Variants in FHIT observed in about 807,000 individuals in gnomAD.
FHIT encodes bis(5'-adenosyl)-triphosphatase.
A neutral mutation model predicts 17.9 loss-of-function variants in FHIT; 19 were observed. The observed-to-expected ratio is 1.06, with a 90% CI of 0.74 to 1.56. FHIT has a LOEUF of 1.56. Ranked by LOEUF, FHIT falls within the 40% of genes most tolerant of loss-of-function variation. The pLI, the probability that FHIT is intolerant of heterozygous loss-of-function variation, is 0.00. For synonymous variants in FHIT, 81 were observed against 69.7 expected, an observed-to-expected ratio of 1.16 and a Z score of -0.81; for missense variants, 248 against 189.2, an observed-to-expected ratio of 1.31 and a Z score of -1.82.
chr3:61,184,204 G>A (rs1268610553), intron 2 of FHIT, among the ~76,000 whole-genome samples: 6 of 151,928 alleles, frequency 3.9e-5, no homozygotes, highest in South Asian at 2.1e-4. Context: ...CACACCTCTC[G>A]GCTAACATCC....
chr3:61,151,106 T>C (rs1183058730), intron 2 of FHIT, among the ~76,000 whole-genome samples: 1 of 152,252 alleles, frequency 6.6e-6, no homozygotes, highest in Non-Finnish European at 1.5e-5. Flanking sequence ...AAACTGTCCC[T>C]AGAGGTCTCC....
At chr3:61,099,549 T>G (rs76228638) in intron 2 of FHIT, among the ~76,000 whole-genome samples, 6 of 152,104 alleles carry the variant, frequency 3.9e-5, no homozygotes, top group Non-Finnish European at 7.4e-5. Context: ...GGTCCTGGGC[T>G]TTTTTTGGTT....
chr3:60,405,896 C>A (rs979739404), intron 5 of FHIT, among the ~76,000 whole-genome samples: 1 of 152,194 alleles, frequency 6.6e-6, no homozygotes, highest in Non-Finnish European at 1.5e-5. Context: ...GACCAATCTC[C>A]TTTCTAAGCT....
intron 4 of FHIT, among the ~76,000 whole-genome samples, chr3:60,585,044 A>G (rs2037862943): frequency 6.6e-6 from 1 of 151,974 alleles, no homozygotes; most frequent in African/African-American, 2.4e-5. Flanking sequence ...TTTTAATACA[A>G]TCCTTTCCCT....
intron 4 of FHIT, among the ~76,000 whole-genome samples, chr3:60,611,759 A>G (rs1404459002): frequency 1.3e-5 from 2 of 152,182 alleles, no homozygotes; most frequent in South Asian, 2.1e-4. Flanking sequence ...ATGGCTAACA[A>G]AAGATGCCCT....
intron 5 of FHIT, among the ~76,000 whole-genome samples, chr3:60,338,079 C>T (rs1191966463): frequency 6.6e-6 from 1 of 152,056 alleles, no homozygotes; most frequent in Non-Finnish European, 1.5e-5. Flanking sequence ...AAGTGTCATA[C>T]CTGAGATGCA....
chr3:60,477,839 C>T (rs2107465848), intron 5 of FHIT, among the ~76,000 whole-genome samples: 1 of 152,198 alleles, frequency 6.6e-6, no homozygotes, highest in Admixed American at 6.5e-5. Flanking sequence ...AATGATTTTA[C>T]CCAAACTTCT....
chr3:61,179,008 CT>C (rs778191387), intron 2 of FHIT, among the ~76,000 whole-genome samples: 2,393 of 127,616 alleles, frequency 0.019, 27 homozygotes, highest in African/African-American at 0.069. Flanking sequence ...TTTTCTTTTT[CT>C]TTTTTTTTTT....
At chr3:60,058,792 A>G (rs1460032358) in intron 5 of FHIT, among the ~76,000 whole-genome samples, 1 of 152,196 alleles carries the variant, frequency 6.6e-6, no homozygotes, top group Non-Finnish European at 1.5e-5. Context: ...GATAAATAAC[A>G]TGATCGATTT....
intron 8 of FHIT, among the ~76,000 whole-genome samples, chr3:59,779,255 C>T (rs1469093162): frequency 1.3e-5 from 2 of 152,134 alleles, no homozygotes; most frequent in Non-Finnish European, 2.9e-5. Context: ...TTTTGGAAAC[C>T]ACTGTGATCA....
At chr3:61,062,166 G>C (rs1344528743) in intron 2 of FHIT, among the ~76,000 whole-genome samples, 1 of 152,062 alleles carries the variant, frequency 6.6e-6, no homozygotes, top group East Asian at 1.9e-4. Flanking sequence ...ATAGTTAATA[G>C]TTCCAAACTT....
chr3:61,176,358 C>T (rs1422358597), intron 2 of FHIT, among the ~76,000 whole-genome samples: 4 of 152,332 alleles, frequency 2.6e-5, no homozygotes, highest in African/African-American at 9.6e-5. Flanking sequence ...GTTGTTCTGC[C>T]ACCAGGAAAC....
chr3:60,057,050 C>T (rs962781970), intron 5 of FHIT, among the ~76,000 whole-genome samples: 1 of 152,076 alleles, frequency 6.6e-6, no homozygotes, highest in African/African-American at 2.4e-5. Flanking sequence ...GGAACACATC[C>T]ACTATTATGC....
intron 4 of FHIT, among the ~76,000 whole-genome samples, chr3:60,627,860 C>T (rs2039334094): frequency 6.6e-6 from 1 of 152,132 alleles, no homozygotes; most frequent in South Asian, 2.1e-4. Flanking sequence ...TAATTTGAGT[C>T]TTCTTTCTTT....
chr3:60,513,571 C>T (rs1413470231), intron 5 of FHIT, among the ~76,000 whole-genome samples: 1 of 152,288 alleles, frequency 6.6e-6, no homozygotes. Flanking sequence ...TCCAATCTTT[C>T]AGCTTTGTCC....
At chr3:60,710,839 G>A (rs1386336518) in intron 4 of FHIT, among the ~76,000 whole-genome samples, 2 of 152,192 alleles carry the variant, frequency 1.3e-5, no homozygotes, top group Non-Finnish European at 1.5e-5. Flanking sequence ...CCACCTCTGG[G>A]GGCAGGGCAC....
chr3:61,209,127 G>C (rs1393042250), intron 1 of FHIT, among the ~76,000 whole-genome samples: 3 of 152,138 alleles, frequency 2.0e-5, no homozygotes, highest in East Asian at 1.9e-4. Flanking sequence ...TTTCCTTTAA[G>C]AATGTTGAAT....
chr3:61,018,528 G>A lies in FHIT; in HGVS notation c.-111+23519C>T, dbSNP rs537259898. Reference sequence around the variant, plus strand: ...ATTTGACTGTGAAACAAAACTCTCTGTAGTTCTCAGATATGGTTAGACAGT... The same window carrying A: ...ATTTGACTGTGAAACAAAACTCTCTATAGTTCTCAGATATGGTTAGACAGT... On this transcript the variant is annotated intron_variant, in intron 3 of 9. Coordinates refer to ENST00000492590, the MANE Select transcript of FHIT (RefSeq NM_002012.4). Among the ~76,000 whole-genome samples, 16 of 152,246 alleles carry A rather than the reference G, an allele frequency of 1.1e-4. No individual in the cohort carries two copies. The South Asian group carries it at 3.1e-3, about 30-fold the overall frequency.
At chr3:60,274,324 TC>T (rs1314139854) in intron 5 of FHIT, among the ~76,000 whole-genome samples, 2 of 152,098 alleles carry the variant, frequency 1.3e-5, no homozygotes, top group Non-Finnish European at 2.9e-5. Context: ...AATCCCCAAC[TC>T]CAAAACCCTA....
Sources: allele counts gnomAD v4.1 joint callset (sites outside exome capture counted in the v4.1 genomes callset), GRCh38; gene constraint gnomAD v4.1.1; transcripts MANE v1.5; gene names NCBI Gene and HGNC (gene_info 2026-07-23, HGNC 2026-07-21).